METTL15: variants seen among roughly 807,000 people sequenced by gnomAD.
METTL15 encodes the protein methyltransferase 15, mitochondrial 12S rRNA N4-cytidine, also known as 12S rRNA N(4)-cytidine methyltransferase METTL15.
A neutral mutation model predicts 38.3 loss-of-function variants in METTL15; 34 were observed. The ratio of observed to expected loss-of-function variants is 0.89; its 90% confidence interval spans 0.68 to 1.18. The LOEUF is 1.18. Ranked by LOEUF, METTL15 falls within the 50% of genes most tolerant of loss-of-function variation. METTL15 has a pLI of 0.00. For missense variants in METTL15, 438 were observed against 498.4 expected, an observed-to-expected ratio of 0.88 and a Z score of 1.15; for synonymous variants, 162 against 170.9, an observed-to-expected ratio of 0.95 and a Z score of 0.41.
At chr11:28,160,731 A>G (rs1396431021) in intron 3 of METTL15, among the ~76,000 whole-genome samples, 1 of 152,170 alleles carries the variant, frequency 6.6e-6, no homozygotes, top group African/African-American at 2.4e-5. Flanking sequence ...AAATCTTAAC[A>G]ATAATGGTAA....
chr11:28,123,600 A>G (rs1008339210), intron 3 of METTL15, among the ~76,000 whole-genome samples: 1 of 151,390 alleles, frequency 6.6e-6, no homozygotes, highest in African/African-American at 2.4e-5. Flanking sequence ...TAAATGTTTT[A>G]TTTTTCTTGG....
At chr11:28,385,008 C>T (rs1554918130) in intron 5 of METTL15, among the ~76,000 whole-genome samples, 1 of 152,002 alleles carries the variant, frequency 6.6e-6, no homozygotes, top group Non-Finnish European at 1.5e-5. Flanking sequence ...GTTTCTTGTA[C>T]ATTTATTTAA....
chr11:28,159,617 TTG>T (rs1273423705), intron 3 of METTL15, among the ~76,000 whole-genome samples: 2 of 152,208 alleles, frequency 1.3e-5, no homozygotes, highest in African/African-American at 4.8e-5. Flanking sequence ...AAAAACATGT[TTG>T]TGCATGTATA....
intron 6 of METTL15, among the ~76,000 whole-genome samples, chr11:28,298,539 G>T (rs898572226): frequency 6.6e-6 from 1 of 152,024 alleles, no homozygotes; most frequent in African/African-American, 2.4e-5. Context: ...TACCTTTTCT[G>T]TCTGTGCATC....
chr11:28,501,053 A>C (rs1350543746), intron 6 of METTL15, among the ~76,000 whole-genome samples: 3 of 152,202 alleles, frequency 2.0e-5, no homozygotes, highest in Non-Finnish European at 2.9e-5. Flanking sequence ...TCATATTCCC[A>C]CTATCCTGCC....
At position 28,506,012 on chromosome 11, in the gene METTL15, G is replaced by C. The variant is rs977860132; in HGVS notation, c.*425-20466G>C. ...GACTCCTCTTGCCCTGTAAGTTTGTGAGAGCCCTCATTTTGCTTCCTCATA... is the reference window on the plus strand; with the variant it reads ...GACTCCTCTTGCCCTGTAAGTTTGTCAGAGCCCTCATTTTGCTTCCTCATA... On this transcript the variant is annotated intron_variant and NMD_transcript_variant, in intron 6 of 7. Coordinates refer to the METTL15 transcript ENST00000532947. Among the ~76,000 whole-genome samples, 4 of 152,208 alleles carry C rather than the reference G, an allele frequency of 2.6e-5. No individual in the cohort carries two copies. The East Asian group carries it at 7.7e-4, about 29-fold the overall frequency.
chr11:28,141,428 T>G (rs2133661138), intron 3 of METTL15, among the ~76,000 whole-genome samples: 1 of 152,156 alleles, frequency 6.6e-6, no homozygotes, highest in Non-Finnish European at 1.5e-5. Context: ...ACTTTGACTT[T>G]GGGAGACAGA....
downstream of METTL15, among the ~76,000 whole-genome samples, chr11:28,337,120 T>A: frequency 6.6e-6 from 1 of 152,274 alleles, no homozygotes; most frequent in African/African-American, 2.4e-5. Flanking sequence ...GAAAAAGATA[T>A]AAAGAAAATG....
intron 4 of METTL15, among the ~76,000 whole-genome samples, chr11:28,254,135 A>G (rs1190700238): frequency 6.6e-6 from 1 of 152,128 alleles, no homozygotes; most frequent in Non-Finnish European, 1.5e-5. Context: ...ACATTCTACC[A>G]GCATTTGTTA....
At chr11:28,129,407 C>CTTTT (rs71449170) in intron 3 of METTL15, among the ~76,000 whole-genome samples, 7 of 143,770 alleles carry the variant, frequency 4.9e-5, no homozygotes, top group Admixed American at 6.9e-5. Flanking sequence ...TATAAAATTA[C>CTTTT]TTTTTTTTTT....
chr11:28,301,340 C>T (rs1332441119), intron 6 of METTL15, among the ~76,000 whole-genome samples: 1 of 152,088 alleles, frequency 6.6e-6, no homozygotes, highest in African/African-American at 2.4e-5. Context: ...AGTTGAAATG[C>T]CACTTCCTCA....
intron 5 of METTL15, among the ~76,000 whole-genome samples, chr11:28,366,208 A>T (rs1289895113): frequency 6.6e-6 from 1 of 151,936 alleles, no homozygotes; most frequent in Non-Finnish European, 1.5e-5. Flanking sequence ...AAAAAAAATT[A>T]TTAAGAACAG....
chr11:28,446,671 C>G (rs1851077829), intron 6 of METTL15, among the ~76,000 whole-genome samples: 1 of 152,206 alleles, frequency 6.6e-6, no homozygotes, highest in East Asian at 1.9e-4. Context: ...GATTTATGTT[C>G]CATAGACCTG....
intron 4 of METTL15, among the ~76,000 whole-genome samples, chr11:28,250,975 A>G (rs1854718094): frequency 6.6e-6 from 1 of 151,980 alleles, no homozygotes; most frequent in Non-Finnish European, 1.5e-5. Flanking sequence ...TGGTGAAAGG[A>G]TAATTCTTAA....
chr11:28,140,767 A>G (rs1029031063), intron 3 of METTL15, among the ~76,000 whole-genome samples: 1 of 152,062 alleles, frequency 6.6e-6, no homozygotes, highest in African/African-American at 2.4e-5. Context: ...GGCATTTTAC[A>G]TACATGCTGA....
chr11:28,341,300 AAACTT>A (rs1286903486), intron 3 of METTL15, among the ~76,000 whole-genome samples: 3 of 152,174 alleles, frequency 2.0e-5, no homozygotes, highest in African/African-American at 4.8e-5. Context: ...ATGTATCTCA[AAACTT>A]AAAGTATAAT....
intron 6 of METTL15, among the ~76,000 whole-genome samples, chr11:28,329,708 C>T (rs931164631): frequency 2.0e-5 from 3 of 152,246 alleles, no homozygotes; most frequent in African/African-American, 7.2e-5. Flanking sequence ...CACATGGCCT[C>T]ATTTTATTTC....
At chr11:28,484,623 A>G (rs1445095649) in intron 6 of METTL15, among the ~76,000 whole-genome samples, 1 of 152,074 alleles carries the variant, frequency 6.6e-6, no homozygotes, top group Non-Finnish European at 1.5e-5. Context: ...TATCTCCCCA[A>G]CATCCTAGAT....
chr11:28,516,672 G>T (rs1227573559), intron 6 of METTL15, among the ~76,000 whole-genome samples: 1 of 152,142 alleles, frequency 6.6e-6, no homozygotes, highest in Non-Finnish European at 1.5e-5. Context: ...CATAAATATG[G>T]TAATTCTCCT....
Sources: gnomAD v4.1 joint callset for allele counts (sites outside exome capture counted in the v4.1 genomes callset) on GRCh38, gnomAD v4.1.1 for gene constraint, MANE v1.5 for transcripts, NCBI Gene and HGNC (gene_info 2026-07-23, HGNC 2026-07-21) for gene names.